Variants in COL18A1 observed in about 807,000 individuals in gnomAD.
COL18A1 encodes the protein collagen type XVIII alpha 1 chain.
COL18A1 carries 133 observed loss-of-function variants against 168.0 expected under a neutral mutation model. That is an observed-to-expected ratio of 0.79 (90% CI 0.69 to 0.91). The LOEUF is 0.91. Ranked by LOEUF, COL18A1 falls within the 40% of genes least tolerant of loss-of-function variation. The probability of loss-of-function intolerance (pLI) is 0.00; values close to 1 mark genes in which losing one functional copy is unlikely to be tolerated. For missense variants in COL18A1, 2,126 were observed against 1,925.4 expected (o/e 1.10, Z -1.95); for synonymous variants, 949 against 809.0 (o/e 1.17, Z -2.94).
At chr21:45,429,400 G>C (rs867205675) in intron 2 of COL18A1, among the ~76,000 whole-genome samples, 1 of 150,792 alleles carries the variant, frequency 6.6e-6, no homozygotes, top group South Asian at 2.1e-4. Context: ...GCAGGTCCCT[G>C]TGAGGAAGGG....
In COL18A1 at chr21:45,456,892, G is replaced by A. The variant is rs561333742; in HGVS notation, c.107-11350G>A. On this transcript the variant is annotated intron_variant, in intron 2 of 41. Coordinates refer to ENST00000651438, the MANE Select transcript of COL18A1 (RefSeq NM_001379500.1). ...TTGGGCCGGCTGCAGGTAACTGGCCGGCCCCGATCTCCCCACCCTTTCCTT... is the reference window on the plus strand; with the variant it reads ...TTGGGCCGGCTGCAGGTAACTGGCCAGCCCCGATCTCCCCACCCTTTCCTT... 7.7e-6 allele frequency: 11 copies of A among 1,427,730 alleles called. No homozygotes were observed. The East Asian group carries it at 1.1e-4, about 14-fold the overall frequency. The allele number at this position is 1,427,730 out of a possible 1,614,324, so 88.4% of individuals were successfully genotyped here.
intron 28 of COL18A1, 139 bp from the exon 29 acceptor site, chr21:45,495,219 G>A: frequency 1.3e-6 from 1 of 752,870 alleles, no homozygotes; most frequent in Admixed American, 2.0e-5. Context: ...AAGGGCCGGG[G>A]TAGCCTGAGA....
rs1469108872 is a variant in COL18A1, at chr21:45,472,780, C to T, written c.652-1115C>T. On this transcript the variant is annotated intron_variant, in intron 3 of 41. Transcript: ENST00000651438. ...CGTTTTGTGGGAAACCTGTGGGAAA[C>T]CCAGGGGGCCCACAGGGTCCACACC... Among the ~76,000 whole-genome samples, 8 of 148,364 alleles carry T rather than the reference C, an allele frequency of 5.4e-5. No individual in the cohort carries two copies. The South Asian group carries it at 1.7e-3, about 31-fold the overall frequency.
At chr21:45,509,725 G>A (rs758130120) in intron 39 of COL18A1, 124 bp downstream of exon 39, 261 of 728,034 alleles carry the variant, frequency 3.6e-4, no homozygotes, top group Middle Eastern at 7.1e-4. Flanking sequence ...GGGGTCTGGC[G>A]GCTCAGGGCC....
rs765579186 is a variant in COL18A1, at chr21:45,487,614, C to A, written c.1896+105C>A. 9 of 1,456,774 alleles carry A rather than the reference C, an allele frequency of 6.2e-6. No homozygotes were observed. The South Asian group carries it at 6.8e-5, about 11-fold the overall frequency. The allele number at this position is 1,456,774 out of a possible 1,614,324, so 90.2% of individuals were successfully genotyped here. On this transcript the variant is annotated intron_variant, in intron 17 of 41. Coordinates refer to ENST00000651438, the MANE Select transcript of COL18A1 (RefSeq NM_001379500.1). The stretch of plus-strand genomic sequence containing the variant: ...ACCGGCCTTGCATGGGATCGGAAGC[C>A]GCCCTGCAGAGCCGTGAGGACCACG...
In COL18A1 at chr21:45,494,877, C is replaced by T. The variant is rs1602553018; in HGVS notation, c.2395C>T (p.Pro799Ser). 6.2e-7 allele frequency: 1 copy of T among 1,610,406 alleles called. No individual in the cohort carries two copies. Among genetic ancestry groups the T allele is most frequent in the Non-Finnish European group, 8.5e-7 (1 of 1,178,866 alleles). Residue 799 changes from proline to serine, a missense_variant, in exon 28 of 42, where the codon CCG becomes TCG. By Grantham distance (74) the Pro-to-Ser change is moderately conservative (BLOSUM62 -1). Transcript: ENST00000651438. ...FRGPPGPYGR[P>S]GYKGEIGFPG... ...CCTCTTGCAGGGTCCATACGGACGG[C>T]CGGGGTACAAGGGAGAGATTGGCTT... is the stretch of plus-strand genomic sequence containing the variant.
At chr21:45,466,448 A>G (rs2035215418) in intron 2 of COL18A1, among the ~76,000 whole-genome samples, 1 of 152,168 alleles carries the variant, frequency 6.6e-6, no homozygotes, top group Non-Finnish European at 1.5e-5. Context: ...CACCATACCC[A>G]GGAAGGTTGA....
intron 2 of COL18A1, among the ~76,000 whole-genome samples, chr21:45,407,102 G>T (rs2033139189): frequency 6.6e-6 from 1 of 152,214 alleles, no homozygotes; most frequent in Non-Finnish European, 1.5e-5. Context: ...CCAGCCCGGA[G>T]AGAACTCAGG....
At chr21:45,479,439 C>G (rs561626044) in intron 9 of COL18A1, among the ~76,000 whole-genome samples, 10 of 152,288 alleles carry the variant, frequency 6.6e-5, no homozygotes, top group Admixed American at 3.9e-4. Context: ...CATGCACACA[C>G]ACCACACATT....
chr21:45,433,202 G>A (rs1399808185), intron 2 of COL18A1, among the ~76,000 whole-genome samples: 2 of 152,192 alleles, frequency 1.3e-5, no homozygotes, highest in East Asian at 3.8e-4. Context: ...GACGCGCTGG[G>A]TTTGTTCAGA....
chr21:45,475,576 C>A, intron 5 of COL18A1, 41 bp downstream of exon 5: 1 of 1,554,412 alleles, frequency 6.4e-7, no homozygotes, highest in Non-Finnish European at 8.8e-7. Context: ...TGCAGGGTCC[C>A]GGGAGAGCCC....
At chr21:45,497,897 G>C in intron 32 of COL18A1, 1 of 616,582 alleles carries the variant, frequency 1.6e-6, no homozygotes, top group Non-Finnish European at 2.9e-6. Flanking sequence ...ATCACCTCCT[G>C]AGGAGCAGAT....
rs753362276 is a variant in COL18A1, at chr21:45,491,309, C to A, written c.2152C>A (p.Gln718Lys). The change falls in exon 22 of 42, where the codon CAG becomes AAG. Residue 718 changes from glutamine to lysine, a missense_variant. Coordinates refer to ENST00000651438, the MANE Select transcript of COL18A1 (RefSeq NM_001379500.1). Reference sequence around the variant, plus strand: ...GGGACCTGTGGTCTACGTGTCGGAGCAGGACGTAAGGACGCTGCGTGGGTG... The same window carrying A: ...GGGACCTGTGGTCTACGTGTCGGAGAAGGACGTAAGGACGCTGCGTGGGTG... ...PPGPVVYVSE[Q>K]DGSVLSVPGP... is the part of the protein sequence containing the mutation. The A allele has an allele frequency of 1.2e-6, 2 of 1,611,108 alleles. No homozygotes were observed. The highest frequency in any genetic ancestry group is 1.7e-6 in the Non-Finnish European group (2 of 1,178,854).
intron 2 of COL18A1, among the ~76,000 whole-genome samples, chr21:45,447,358 G>A (rs2034527959): frequency 6.6e-6 from 1 of 151,960 alleles, no homozygotes; most frequent in African/African-American, 2.4e-5. Context: ...GCTCAACAAG[G>A]TTGCAGGGTA....
intron 15 of COL18A1, among the ~76,000 whole-genome samples, chr21:45,486,219 G>A (rs2036104899): frequency 6.6e-6 from 1 of 151,724 alleles, no homozygotes; most frequent in Non-Finnish European, 1.5e-5. Context: ...GTGGTCCCAG[G>A]GTCCTGAGCC....
intron 2 of COL18A1, among the ~76,000 whole-genome samples, chr21:45,438,130 G>T: frequency 1.3e-5 from 1 of 76,214 alleles, no homozygotes; most frequent in South Asian, 5.3e-4. Flanking sequence ...GCACTCTCCT[G>T]CACACACACA....
intron 2 of COL18A1, among the ~76,000 whole-genome samples, chr21:45,447,399 T>A (rs942070169): frequency 2.6e-5 from 4 of 152,152 alleles, no homozygotes; most frequent in Non-Finnish European, 5.9e-5. Flanking sequence ...CTATTGTATT[T>A]ATTTTGCAAT....
At chr21:45,488,379 T>G (rs763076579) in intron 17 of COL18A1, 39 bp from the exon 18 acceptor site, 2 of 1,613,578 alleles carry the variant, frequency 1.2e-6, no homozygotes, top group Admixed American at 3.3e-5. Flanking sequence ...CAGCAGGGCC[T>G]CCAGCTGCAC....
At chr21:45,466,352 C>T (rs113072798) in intron 2 of COL18A1, among the ~76,000 whole-genome samples, 139 of 152,290 alleles carry the variant, frequency 9.1e-4, no homozygotes, top group African/African-American at 3.2e-3. Flanking sequence ...ACACTTCTGG[C>T]TGGCCTGATT....
Sources: allele counts gnomAD v4.1 joint callset (sites outside exome capture counted in the v4.1 genomes callset), GRCh38; gene constraint gnomAD v4.1.1; transcripts MANE v1.5; gene names NCBI Gene and HGNC (gene_info 2026-07-23, HGNC 2026-07-21).